THSD7A: variants seen among roughly 807,000 people sequenced by gnomAD.
The protein encoded by THSD7A is thrombospondin type-1 domain-containing protein 7A.
THSD7A carries 96 observed loss-of-function variants against 231.3 expected under a neutral mutation model. The observed-to-expected ratio is 0.41, with a 90% confidence interval of 0.35 to 0.49. The LOEUF (loss-of-function observed/expected upper bound fraction) is 0.49. Ranked by LOEUF, THSD7A falls within the 20% of genes least tolerant of loss-of-function variation. The probability of loss-of-function intolerance (pLI) is 0.05; values close to 1 mark genes in which losing one functional copy is unlikely to be tolerated. For synonymous variants in THSD7A, 940 were observed against 743.3 expected (o/e 1.26, Z -4.30); for missense variants, 2,290 against 2,070.2 (o/e 1.11, Z -2.06).
At chr7:11,428,922 T>G in intron 14 of THSD7A, 25 bp downstream of exon 14, 1 of 1,591,660 alleles carries the variant, frequency 6.3e-7, no homozygotes, top group Non-Finnish European at 8.5e-7. Flanking sequence ...AACAATATCT[T>G]AACACTGTCA....
chr7:11,744,538 C>T (rs1782217998), intron 1 of THSD7A, among the ~76,000 whole-genome samples: 1 of 150,866 alleles, frequency 6.6e-6, no homozygotes, highest in Non-Finnish European at 1.5e-5. Context: ...GTGTGCTGCA[C>T]CTATTAACTC....
At chr7:11,486,599 CTTGT>C (rs10609833) in intron 6 of THSD7A, among the ~76,000 whole-genome samples, 80,937 of 151,690 alleles carry the variant, frequency 0.53, 21,886 homozygotes, top group South Asian at 0.59. Flanking sequence ...ACCAACGCAA[CTTGT>C]TTTTCTTCTT....
chr7:11,400,473 C>T (rs866117288), intron 23 of THSD7A, among the ~76,000 whole-genome samples: 4 of 146,680 alleles, frequency 2.7e-5, no homozygotes, highest in Admixed American at 1.4e-4. Context: ...TGATTTTACT[C>T]TCTAAGGTGT....
chr7:11,432,065 A>G (rs1784493166), intron 13 of THSD7A, among the ~76,000 whole-genome samples: 1 of 152,126 alleles, frequency 6.6e-6, no homozygotes, highest in Non-Finnish European at 1.5e-5. Context: ...TTAAAATACT[A>G]ATTTACTATA....
intron 9 of THSD7A, among the ~76,000 whole-genome samples, chr7:11,467,423 G>A (rs567081993): frequency 1.6e-4 from 25 of 152,190 alleles, no homozygotes; most frequent in African/African-American, 5.1e-4. Context: ...CTTGATGTCT[G>A]GGACTGTGAT....
At chr7:11,542,525 T>C (rs987087565) in intron 5 of THSD7A, among the ~76,000 whole-genome samples, 7 of 152,322 alleles carry the variant, frequency 4.6e-5, no homozygotes, top group African/African-American at 1.7e-4. Flanking sequence ...TAGGTATGGG[T>C]CAGGCACTGA....
intron 4 of THSD7A, among the ~76,000 whole-genome samples, chr7:11,552,966 T>TTC (rs886381209): frequency 3.3e-5 from 5 of 152,036 alleles, no homozygotes; most frequent in African/African-American, 1.2e-4. Flanking sequence ...TCAGACACCC[T>TTC]TCTCTCTCTC....
intron 1 of THSD7A, among the ~76,000 whole-genome samples, chr7:11,826,974 G>A (rs1785051146): frequency 6.6e-6 from 1 of 151,898 alleles, no homozygotes; most frequent in Non-Finnish European, 1.5e-5. Flanking sequence ...TGATACAAAA[G>A]TGCTGAAAAT....
At chr7:11,614,295 A>G (rs984594629) in intron 2 of THSD7A, among the ~76,000 whole-genome samples, 5 of 152,166 alleles carry the variant, frequency 3.3e-5, no homozygotes, top group African/African-American at 1.2e-4. Flanking sequence ...CTAGGAGACA[A>G]TACTTCCCGT....
intron 23 of THSD7A, among the ~76,000 whole-genome samples, chr7:11,386,108 G>T (rs1271131894): frequency 6.6e-6 from 1 of 152,142 alleles, no homozygotes; most frequent in Non-Finnish European, 1.5e-5. Context: ...TCTTTACCTA[G>T]TCTATCATTG....
chr7:11,792,931 G>C (rs969873314), intron 1 of THSD7A, among the ~76,000 whole-genome samples: 1 of 151,898 alleles, frequency 6.6e-6, no homozygotes, highest in African/African-American at 2.4e-5. Flanking sequence ...TTTGCCCTGT[G>C]AGTTGTAGCT....
At chr7:11,688,569 G>A (rs1240466320) in intron 1 of THSD7A, among the ~76,000 whole-genome samples, 2 of 151,808 alleles carry the variant, frequency 1.3e-5, no homozygotes, top group African/African-American at 4.8e-5. Flanking sequence ...TGACCTTTCT[G>A]AGAGAGAGAT....
chr7:11,502,976 T>A (rs1261810989), intron 6 of THSD7A, among the ~76,000 whole-genome samples: 1 of 152,154 alleles, frequency 6.6e-6, no homozygotes, highest in Admixed American at 6.6e-5. Flanking sequence ...AAAATTTATA[T>A]GAAACCAAAA....
At chr7:11,426,521 G>GA in intron 15 of THSD7A, 145 bp downstream of exon 15, 1 of 853,602 alleles carries the variant, frequency 1.2e-6, no homozygotes, top group Admixed American at 3.3e-5. Flanking sequence ...AACAGTTATA[G>GA]AAAAAAATTC....
chr7:11,504,018 A>G (rs1406438210), intron 6 of THSD7A, among the ~76,000 whole-genome samples: 1 of 152,222 alleles, frequency 6.6e-6, no homozygotes, highest in Non-Finnish European at 1.5e-5. Context: ...GCAAATGTTC[A>G]CTGCAGCACT....
intron 23 of THSD7A, among the ~76,000 whole-genome samples, chr7:11,383,431 C>T (rs142776771): frequency 5.1e-4 from 78 of 151,974 alleles, no homozygotes; most frequent in African/African-American, 1.8e-3. Flanking sequence ...GTGCAAATGG[C>T]CTGGTGCTTC....
chr7:11,379,246 T>G lies in THSD7A; in HGVS notation c.4625A>C (p.Glu1542Ala), dbSNP rs2115293025. 6.2e-7 allele frequency: 1 copy of G among 1,613,578 alleles called. No homozygotes were observed. The highest frequency in any genetic ancestry group is 1.3e-5 in the African/African-American group (1 of 75,006). ...AAGGGTGCTGTTAGAAGACATGACT[T>G]CAGTGTACCCTTCTTCACAATGGCA... ...KTCHCEEGYT[E>A]VMSSNSTLEQ... The change falls in exon 26 of 28, where the codon GAA becomes GCA. Residue 1542 changes from glutamate to alanine, a missense_variant. By Grantham distance (107) the Glu-to-Ala change is moderately radical. Transcript: ENST00000423059.
intron 2 of THSD7A, among the ~76,000 whole-genome samples, chr7:11,612,534 A>G (rs1326476282): frequency 1.3e-5 from 2 of 152,240 alleles, no homozygotes; most frequent in Non-Finnish European, 2.9e-5. Flanking sequence ...CTTGAGACAC[A>G]TTGCAAATCT....
At chr7:11,563,311 A>C (rs1790154191) in intron 4 of THSD7A, among the ~76,000 whole-genome samples, 1 of 152,128 alleles carries the variant, frequency 6.6e-6, no homozygotes, top group Non-Finnish European at 1.5e-5. Context: ...AATGCGCTTC[A>C]AAGCTCCCTG....
Sources: allele counts gnomAD v4.1 joint callset (sites outside exome capture counted in the v4.1 genomes callset), GRCh38; gene constraint gnomAD v4.1.1; transcripts MANE v1.5; gene names NCBI Gene and HGNC (gene_info 2026-07-23, HGNC 2026-07-21).